Variants in PACRG observed in about 807,000 individuals in gnomAD.
PACRG encodes the protein parkin coregulated, also known as parkin coregulated gene protein.
Under a neutral mutation model 29.7 loss-of-function variants are expected in PACRG, and 29 were observed. The observed-to-expected ratio is 0.98, with a 90% CI of 0.73 to 1.33. The LOEUF (loss-of-function observed/expected upper bound fraction) is 1.33, where lower values mean the gene tolerates loss of function less well. Among genes scored for constraint, PACRG ranks in the 40% most tolerant of loss-of-function variants. The pLI is 0.00. For missense variants in PACRG, 279 were observed against 316.2 expected (o/e 0.88, Z 0.89); for synonymous variants, 116 against 118.7 (o/e 0.98, Z 0.15).
At chr6:162,956,689 G>A (rs1406758275) in intron 2 of PACRG, among the ~76,000 whole-genome samples, 1 of 152,096 alleles carries the variant, frequency 6.6e-6, no homozygotes, top group Non-Finnish European at 1.5e-5. Context: ...CCTTCTCCCT[G>A]TGTCTCCTCA....
chr6:162,854,630 T>C (rs1791216026), intron 2 of PACRG, among the ~76,000 whole-genome samples: 1 of 152,314 alleles, frequency 6.6e-6, no homozygotes, highest in Non-Finnish European at 1.5e-5. Flanking sequence ...ATATTTGTTT[T>C]GATAGATGGT....
chr6:162,925,653 G>A (rs4708976), intron 2 of PACRG, among the ~76,000 whole-genome samples: 87,699 of 151,924 alleles, frequency 0.58, 26,238 homozygotes, highest in East Asian at 0.74. Flanking sequence ...TTGATAGAAC[G>A]TATCTCAAAA....
intron 2 of PACRG, among the ~76,000 whole-genome samples, chr6:163,045,247 C>T (rs1231834569): frequency 6.6e-6 from 1 of 152,080 alleles, no homozygotes; most frequent in African/African-American, 2.4e-5. Flanking sequence ...AGCCACCCAG[C>T]CCCTCTGGGC....
At chr6:163,210,620 G>A (rs1420648006) in intron 4 of PACRG, among the ~76,000 whole-genome samples, 1 of 152,186 alleles carries the variant, frequency 6.6e-6, no homozygotes, top group Non-Finnish European at 1.5e-5. Context: ...GGATTAAATT[G>A]GTTAACGCAT....
At chr6:162,882,236 C>T (rs1793952046) in intron 2 of PACRG, among the ~76,000 whole-genome samples, 1 of 147,510 alleles carries the variant, frequency 6.8e-6, no homozygotes, top group Non-Finnish European at 1.5e-5. Context: ...GGGGTGCTTT[C>T]CACCAAGAAT....
chr6:163,192,471 A>G (rs1071911), intron 4 of PACRG, among the ~76,000 whole-genome samples: 51,007 of 151,896 alleles, frequency 0.34, 8,734 homozygotes, highest in East Asian at 0.43. Flanking sequence ...GACAGTGAAT[A>G]CTGTGTTCTT....
At chr6:162,888,529 T>G (rs910876938) in intron 2 of PACRG, among the ~76,000 whole-genome samples, 6 of 152,124 alleles carry the variant, frequency 3.9e-5, no homozygotes, top group African/African-American at 1.4e-4. Flanking sequence ...TGGCAGGACA[T>G]TTGGACTCTC....
chr6:162,928,282 G>A (rs1432415987), intron 2 of PACRG, among the ~76,000 whole-genome samples: 1 of 151,838 alleles, frequency 6.6e-6, no homozygotes, highest in Non-Finnish European at 1.5e-5. Flanking sequence ...TTTTCTCTAG[G>A]TGTTCCAATT....
intron 2 of PACRG, among the ~76,000 whole-genome samples, chr6:162,880,098 T>C (rs1793707307): frequency 6.6e-6 from 1 of 152,188 alleles, no homozygotes; most frequent in South Asian, 2.1e-4. Flanking sequence ...AACACCCCCT[T>C]CTGTGGAAAT....
At chr6:163,018,625 G>A (rs910598531) in intron 2 of PACRG, among the ~76,000 whole-genome samples, 1 of 152,028 alleles carries the variant, frequency 6.6e-6, no homozygotes, top group South Asian at 2.1e-4. Flanking sequence ...TGGTAATTTC[G>A]CCCAGATTTT....
chr6:162,797,119 A>C (rs1785448646), intron 1 of PACRG, among the ~76,000 whole-genome samples: 2 of 152,212 alleles, frequency 1.3e-5, no homozygotes, highest in Admixed American at 1.3e-4. Context: ...TCTACTAAAA[A>C]TACAAAAATT....
At chr6:163,070,449 C>T (rs181319133) in intron 3 of PACRG, among the ~76,000 whole-genome samples, 18 of 151,718 alleles carry the variant, frequency 1.2e-4, no homozygotes, top group Admixed American at 7.9e-4. Flanking sequence ...TTTGTTTTGC[C>T]CATTCATTTA....
At chr6:163,116,339 C>A (rs1027124799) in intron 4 of PACRG, among the ~76,000 whole-genome samples, 1 of 152,112 alleles carries the variant, frequency 6.6e-6, no homozygotes, top group Non-Finnish European at 1.5e-5. Flanking sequence ...GAGGACAGTA[C>A]TGAGGGGGAA....
intron 4 of PACRG, among the ~76,000 whole-genome samples, chr6:163,171,285 A>C (rs1779070985): frequency 6.6e-6 from 1 of 152,196 alleles, no homozygotes; most frequent in African/African-American, 2.4e-5. Flanking sequence ...AAAATCACAG[A>C]TCAAAGGGGG....
intron 2 of PACRG, among the ~76,000 whole-genome samples, chr6:163,025,805 G>C (rs114716608): frequency 0.018 from 2,669 of 152,308 alleles, 67 homozygotes; most frequent in African/African-American, 0.06. Flanking sequence ...GGAAGCCAGG[G>C]GGCAGGCCCA....
intron 4 of PACRG, among the ~76,000 whole-genome samples, chr6:163,295,462 T>C (rs1784751750): frequency 6.6e-6 from 1 of 152,182 alleles, no homozygotes; most frequent in Non-Finnish European, 1.5e-5. Flanking sequence ...TGAGATCAAA[T>C]CCCACTTTGA....
chr6:163,065,944 T>A (rs549302251), intron 3 of PACRG, among the ~76,000 whole-genome samples: 518 of 152,262 alleles, frequency 3.4e-3, no homozygotes, highest in Middle Eastern at 6.8e-3. Context: ...TTGGAGGACA[T>A]AGAACACAAA....
chr6:162,808,141 C>A (rs1786522570), intron 1 of PACRG, among the ~76,000 whole-genome samples: 3 of 152,128 alleles, frequency 2.0e-5, no homozygotes. Flanking sequence ...TTACAGTTGG[C>A]AAATGAGGCA....
At chr6:163,113,828 G>A (rs914449187) in intron 4 of PACRG, among the ~76,000 whole-genome samples, 1 of 152,110 alleles carries the variant, frequency 6.6e-6, no homozygotes, top group African/African-American at 2.4e-5. Flanking sequence ...TCTCGGTAAA[G>A]GTAAATACAT....
Sources: gnomAD v4.1 joint callset for allele counts (sites outside exome capture counted in the v4.1 genomes callset) on GRCh38, gnomAD v4.1.1 for gene constraint, MANE v1.5 for transcripts, NCBI Gene and HGNC (gene_info 2026-07-23, HGNC 2026-07-21) for gene names.